The following RCBTB2 variants were observed in gnomAD, a reference collection of about 807,000 sequenced individuals.
The protein encoded by RCBTB2 is RCC1 and BTB domain-containing protein 2.
In RCBTB2, 55 loss-of-function variants were observed where a neutral mutation model predicts 65.4. The ratio of observed to expected loss-of-function variants is 0.84; its 90% CI spans 0.68 to 1.05. The LOEUF is 1.05. RCBTB2 is among the 50% of genes least tolerant of loss of function. RCBTB2 has a pLI of 0.00. For synonymous variants in RCBTB2, 220 were observed against 255.2 expected, an observed-to-expected ratio of 0.86 and a Z score of 1.31; for missense variants, 599 against 680.1, an observed-to-expected ratio of 0.88 and a Z score of 1.33.
At chr13:48,532,729 C>T (rs1952225800) in intron 1 of RCBTB2, 1 of 298,036 alleles carries the variant, frequency 3.4e-6, no homozygotes, top group Non-Finnish European at 6.6e-6. Flanking sequence ...GCGAGCAGCG[C>T]ACCGGGCCCA....
In RCBTB2 at chr13:48,526,999, C is replaced by G. The variant is rs142360397; in HGVS notation, c.-218-2242G>C. Among the ~76,000 whole-genome samples the G allele has an allele frequency of 1.6e-4, 24 of 151,870 alleles. 1 individual carries two copies. In the East Asian group the frequency reaches 4.6e-3, roughly 29 times the overall value. ...ATGAGTAGCATTTATACTATTGTAC[C>G]TGTAAGAAAAATCCAAAATAGTTAA... On this transcript the variant is annotated intron_variant, in intron 1 of 14. Transcript: ENST00000344532.
intron 10 of RCBTB2, among the ~76,000 whole-genome samples, chr13:48,508,950 A>G (rs1950641669): frequency 6.6e-6 from 1 of 152,186 alleles, no homozygotes; most frequent in African/African-American, 2.4e-5. Flanking sequence ...GCAATGCAGC[A>G]AGTCACTGGT....
At chr13:48,508,129 A>G (rs1398840247) in intron 10 of RCBTB2, among the ~76,000 whole-genome samples, 1 of 152,200 alleles carries the variant, frequency 6.6e-6, no homozygotes, top group Non-Finnish European at 1.5e-5. Context: ...CATTCAATCC[A>G]GTTCCTAATT....
In RCBTB2 at chr13:48,510,710, C is replaced by G. The variant is rs756136509; in HGVS notation, c.845G>C (p.Gly282Ala). Residue 282 changes from glycine (G) to alanine (A), a missense_variant, in exon 10 of 15, where the codon GGC (glycine) becomes GCC (alanine). Coordinates refer to ENST00000344532, the MANE Select transcript of RCBTB2 (RefSeq NM_001268.4). ...LTDEGQVYAW[G>A]ANSYGQLGTG... ...GCCCAACTGCCCATAAGAATTGGCG[C>G]CCCAAGCATACACTTGGCCTTCATC... The G allele has an allele frequency of 5.6e-6, 9 of 1,613,988 alleles. No homozygotes were observed. The South Asian group carries it at 9.9e-5, about 18-fold the overall frequency.
In RCBTB2 at chr13:48,515,306, A is replaced by T. The variant is rs990816415; in HGVS notation, c.248T>A (p.Val83Asp). 6.2e-7 allele frequency: 1 copy of T among 1,614,028 alleles called. No homozygotes were observed. Among genetic ancestry groups the T allele is most frequent in the Non-Finnish European group, 8.5e-7 (1 of 1,180,012 alleles). Reference sequence around the variant, plus strand: ...TCTCCGAGGTTCAATGGTGCTCTGGACGTCACCTAACCCCAAACAGCCACA... The same window carrying T: ...TCTCCGAGGTTCAATGGTGCTCTGGTCGTCACCTAACCCCAAACAGCCACA... Reference protein sequence around the residue: ...NCCGCLGLGDVQSTIEPRRLD... With the variant: ...NCCGCLGLGDDQSTIEPRRLD... Residue 83 changes from valine to aspartate, a missense_variant, in exon 6 of 15, where the codon GTC becomes GAC. Transcript: ENST00000344532.
At chr13:48,529,714 T>C (rs903143514) in intron 1 of RCBTB2, among the ~76,000 whole-genome samples, 1 of 152,206 alleles carries the variant, frequency 6.6e-6, no homozygotes, top group Non-Finnish European at 1.5e-5. Context: ...CAGCCTTCCA[T>C]TGATGGACAT....
chr13:48,490,632 A>C (rs1949658436), intron 14 of RCBTB2, among the ~76,000 whole-genome samples: 1 of 152,234 alleles, frequency 6.6e-6, no homozygotes, highest in Non-Finnish European at 1.5e-5. Context: ...TTTTATATTT[A>C]TATCAGCGTC....
At chr13:48,533,143 G>T (rs943172612), upstream of RCBTB2, 3 of 400,662 alleles carry the variant, frequency 7.5e-6, no homozygotes, top group Non-Finnish European at 1.5e-5. Context: ...CGGCCTCGGC[G>T]GGATGCGCTC....
chr13:48,523,691 T>C (rs995234713), intron 2 of RCBTB2, among the ~76,000 whole-genome samples: 7 of 152,162 alleles, frequency 4.6e-5, no homozygotes, highest in East Asian at 1.9e-4. Flanking sequence ...AGTAGAGATG[T>C]GACTGCCCCT....
chr13:48,533,474 G>A (rs1190610284), upstream of RCBTB2, among the ~76,000 whole-genome samples: 5 of 152,222 alleles, frequency 3.3e-5, no homozygotes, highest in African/African-American at 1.2e-4. Flanking sequence ...CTCTCCTCCA[G>A]CCTGCCCCAG....
chr13:48,490,222 G>T lies in RCBTB2; in HGVS notation c.1545C>A (p.Cys515Ter). ...QDLEEFCFRFCINHLTVVTQT... is the reference protein window; with the variant it reads ...QDLEEFCFRF ...GTGTTACTACAGTCAGATGGTTTAT[G>T]CAAAACCTGAAGCAGAATTCTTCTA... The change falls in exon 15 of 15, where the codon TGC becomes TGA. Residue 515 changes from cysteine (C) to a stop codon, truncating the protein, a stop_gained. Coordinates refer to ENST00000344532, the MANE Select transcript of RCBTB2 (RefSeq NM_001268.4). LOFTEE classifies it high-confidence loss of function. 1 of 1,613,434 alleles carries T rather than the reference G, an allele frequency of 6.2e-7. No individual in the cohort carries two copies. Among genetic ancestry groups the T allele is most frequent in the Non-Finnish European group, 8.5e-7 (1 of 1,179,438 alleles).
chr13:48,513,182 C>T (rs186940891), intron 6 of RCBTB2, among the ~76,000 whole-genome samples: 3 of 152,246 alleles, frequency 2.0e-5, no homozygotes, highest in Admixed American at 2.0e-4. Context: ...ATAGCAAAAA[C>T]ATTAGAATGA....
chr13:48,511,741 A>G, intron 9 of RCBTB2, 29 bp downstream of exon 9: 1 of 1,566,944 alleles, frequency 6.4e-7, no homozygotes, highest in Non-Finnish European at 8.7e-7. Flanking sequence ...ACTTAAAAAT[A>G]CACGCACACA....
At chr13:48,512,303 C>T in intron 7 of RCBTB2, 129 bp from the exon 8 acceptor site, 1 of 736,508 alleles carries the variant, frequency 1.4e-6, no homozygotes, top group East Asian at 2.6e-5. Flanking sequence ...CCTCACAACA[C>T]AGGCAGAGAA....
chr13:48,526,745 A>T (rs1317849780), intron 1 of RCBTB2, among the ~76,000 whole-genome samples: 1 of 151,564 alleles, frequency 6.6e-6, no homozygotes, highest in East Asian at 2.0e-4. Context: ...GTGAAACCCC[A>T]TCCCTACTAA....
chr13:48,521,045 T>C (rs1951397423), intron 4 of RCBTB2, among the ~76,000 whole-genome samples: 1 of 152,184 alleles, frequency 6.6e-6, no homozygotes, highest in Non-Finnish European at 1.5e-5. Flanking sequence ...GTAATTTCAT[T>C]GCTGATTCTG....
intron 7 of RCBTB2, 75 bp downstream of exon 7, chr13:48,512,654 A>G (rs1436687177): frequency 1.7e-6 from 2 of 1,206,112 alleles, no homozygotes; most frequent in African/African-American, 1.5e-5. Context: ...AAATGATTGT[A>G]TTTCCAGGAC....
intron 10 of RCBTB2, among the ~76,000 whole-genome samples, chr13:48,504,617 G>A (rs1372713112): frequency 2.0e-5 from 3 of 152,232 alleles, no homozygotes; most frequent in Non-Finnish European, 4.4e-5. Context: ...TGTTCAGCGA[G>A]ATGACCAGTT....
rs555367553 is a variant in RCBTB2, at chr13:48,523,375, C to T, written c.-119-972G>A. ...TGAAGGCATTTTTCAAATTCTGCCTCATATGACAGTTATTCTTGTATGATG... is the reference window on the plus strand; with the variant it reads ...TGAAGGCATTTTTCAAATTCTGCCTTATATGACAGTTATTCTTGTATGATG... On this transcript the variant is annotated intron_variant, in intron 2 of 14. Coordinates refer to ENST00000344532, the MANE Select transcript of RCBTB2 (RefSeq NM_001268.4). Among the ~76,000 whole-genome samples, 3 of 152,304 alleles carry T rather than the reference C, an allele frequency of 2.0e-5. No homozygotes were observed. In the South Asian group the frequency reaches 6.2e-4, roughly 32 times the overall value.
Sources: gnomAD v4.1 joint callset for allele counts (sites outside exome capture counted in the v4.1 genomes callset) on GRCh38, gnomAD v4.1.1 for gene constraint, MANE v1.5 for transcripts, NCBI Gene and HGNC (gene_info 2026-07-23, HGNC 2026-07-21) for gene names.